Variants in EPHB3 observed in about 807,000 individuals in gnomAD.
The protein encoded by EPHB3 is ephrin type-B receptor 3.
Under a neutral mutation model 100.2 loss-of-function variants are expected in EPHB3, and 33 were observed. That is an observed-to-expected ratio of 0.33 (90% CI 0.25 to 0.44). The LOEUF (loss-of-function observed/expected upper bound fraction) is 0.44, where lower values mean the gene tolerates loss of function less well. Ranked by LOEUF, EPHB3 falls within the 20% of genes least tolerant of loss-of-function variation. The probability of loss-of-function intolerance (pLI) is 1.00; values close to 1 mark genes in which losing one functional copy is unlikely to be tolerated. For synonymous variants in EPHB3, 526 were observed against 554.7 expected, an observed-to-expected ratio of 0.95 and a Z score of 0.73; for missense variants, 1,045 against 1,378.3, an observed-to-expected ratio of 0.76 and a Z score of 3.83.
Position 184,581,288 on chromosome 3 carries a change from A to G in EPHB3, c.2768A>G (p.Asp923Gly). 4 of 1,604,786 alleles carry G rather than the reference A, an allele frequency of 2.5e-6. No homozygotes were observed. Among genetic ancestry groups the G allele is most frequent in the Non-Finnish European group, 3.4e-6 (4 of 1,174,938 alleles). ...CCCCTCCTGGACCGCACGGTCCCAG[A>G]TTACACAACCTTCACGACAGTTGGT... ...SQPLLDRTVP[D>G]YTTFTTVGDW... The change falls in exon 15 of 16, where the codon GAT becomes GGT. Residue 923 changes from aspartate (D) to glycine (G), a missense_variant. This residue lies in a region of EPHB3 where 985 missense variants were observed against 1,331.1 expected (regional missense o/e 0.74). Transcript: ENST00000330394.
rs376039794 is a variant in EPHB3, at chr3:184,575,890, C to A, written c.917C>A (p.Pro306His). Residue 306 changes from proline to histidine, a missense_variant, in exon 4 of 16, where the codon CCC becomes CAC. Coordinates refer to ENST00000330394, the MANE Select transcript of EPHB3 (RefSeq NM_004443.4). ...QGEGPCLPCP[P>H]NSRTTSPAAS... Reference sequence around the variant, plus strand: ...GAGGGGCCCTGCCTCCCATGTCCCCCCAACAGCCGTACCACCTCCCCAGCC... The same window carrying A: ...GAGGGGCCCTGCCTCCCATGTCCCCACAACAGCCGTACCACCTCCCCAGCC... 30 of 1,613,732 alleles carry A rather than the reference C, an allele frequency of 1.9e-5. No homozygotes were observed. The highest frequency in any genetic ancestry group is 1.5e-4 in the African/African-American group (11 of 75,006).
Position 184,562,221 on chromosome 3 carries a change from A to G in EPHB3, c.-15A>G, listed in dbSNP as rs980373424. ...CCCGGCGCGGCCCGGCTCGGCTCCT[A>G]GAGCTGCCACGGCCATGGCCAGAGC... On this transcript the variant is annotated 5_prime_UTR_variant, in exon 1 of 16. Coordinates refer to ENST00000330394, the MANE Select transcript of EPHB3 (RefSeq NM_004443.4). This position sits in a 1 kb window ranked among gnomAD's most constrained non-coding sequence, Gnocchi z 4.8. The G allele has an allele frequency of 3.8e-5, 29 of 766,680 alleles. No individual in the cohort carries two copies. In the Admixed American group the frequency reaches 1.1e-3, roughly 29 times the overall value. The allele number at this position is 766,680 out of a possible 1,614,324, so 47.5% of individuals were successfully genotyped here.
rs866090189 is a variant in EPHB3, at chr3:184,562,189, G to C, written c.-47G>C. Reference sequence around the variant, plus strand: ...CGGGTGCCTGCAGCCCCGCCGGCGCGGCCCGGCCCGGCGCGGCCCGGCTCG... The same window carrying C: ...CGGGTGCCTGCAGCCCCGCCGGCGCCGCCCGGCCCGGCGCGGCCCGGCTCG... On this transcript the variant is annotated 5_prime_UTR_variant, in exon 1 of 16. Coordinates refer to ENST00000330394, the MANE Select transcript of EPHB3 (RefSeq NM_004443.4). The surrounding 1 kb of genome is among the most constrained non-coding windows in gnomAD (Gnocchi z 4.8). 1.2e-4 allele frequency: 49 copies of C among 398,442 alleles called. 3 individuals are homozygous for C. The Middle Eastern group carries it at 0.022, about 178-fold the overall frequency. 24.7% of individuals were successfully genotyped at this position (398,442 alleles called of 1,614,324 possible). A position where few individuals can be genotyped will look rare whatever the true frequency, so the allele number is the denominator to read the frequency against.
rs1714829073 is a variant in EPHB3 at position 184,581,721 on chromosome 3, T to C, written c.*99T>C. 1 of 1,224,188 alleles carries C rather than the reference T, an allele frequency of 8.2e-7. No individual in the cohort carries two copies. Among genetic ancestry groups the C allele is most frequent in the Non-Finnish European group, 1.1e-6 (1 of 896,988 alleles). The allele number at this position is 1,224,188 out of a possible 1,614,324, so 75.8% of individuals were successfully genotyped here. On this transcript the variant is annotated 3_prime_UTR_variant, in exon 16 of 16. Coordinates refer to ENST00000330394, the MANE Select transcript of EPHB3 (RefSeq NM_004443.4). ...CTTTTGGATGCCTGGCCTTAGGCTG[T>C]GGCCCAGAAGCTGGAAGTTTGGGAA...
Position 184,565,884 on chromosome 3 carries a change from G to A in EPHB3, c.118+3531G>A, listed in dbSNP as rs965653002. ...GCGAGCTGAAGCCGAAGCTGCCGAA[G>A]CTGCCGTGGGCAAGGCCTCTGCCGC... On this transcript the variant is annotated intron_variant, in intron 1 of 15. Coordinates refer to ENST00000330394, the MANE Select transcript of EPHB3 (RefSeq NM_004443.4). This position sits in a 1 kb window ranked among gnomAD's most constrained non-coding sequence, Gnocchi z 4.8. Among the ~76,000 whole-genome samples, 1 of 152,262 alleles carries A rather than the reference G, an allele frequency of 6.6e-6. No homozygotes were observed. Among genetic ancestry groups the A allele is most frequent in the East Asian group, 1.9e-4 (1 of 5,202 alleles).
At position 184,580,730 on chromosome 3, in the gene EPHB3, G is replaced by A. The variant is rs1173606859; in HGVS notation, c.2390G>A (p.Gly797Asp). 2.5e-6 allele frequency: 4 copies of A among 1,613,854 alleles called. No homozygotes were observed. The highest frequency in any genetic ancestry group is 3.3e-5 in the Admixed American group (2 of 60,020). Residue 797 changes from glycine to aspartate, a missense_variant and splice_region_variant, in exon 13 of 16, where the codon GGC becomes GAC. Coordinates refer to ENST00000330394, the MANE Select transcript of EPHB3 (RefSeq NM_004443.4). ...AAGGGCCTGTGCCCCCCTCACCAGG[G>A]CGGGAAGATCCCCATCCGCTGGACT... ...PSDPTYTSSL[G>D]GKIPIRWTAP... is the part of the protein sequence containing the mutation.
In EPHB3 at chr3:184,578,774, C is replaced by T. The variant is rs1714747757; in HGVS notation, c.1801+308C>T. On this transcript the variant is annotated intron_variant, in intron 9 of 15. Transcript: ENST00000330394. The surrounding 1 kb of genome is among the most constrained non-coding windows in gnomAD (Gnocchi z 4.7). ...ACAATTAAGGGTTGAGCTGGGTGCT[C>T]CTGTTGTAAAGGGCACTAAGAGTTT... is the stretch of plus-strand genomic sequence containing the variant. 6.6e-6 allele frequency among the ~76,000 whole-genome samples: 1 copy of T among 152,140 alleles called. No homozygotes were observed. Among genetic ancestry groups the T allele is most frequent in the Non-Finnish European group, 1.5e-5 (1 of 68,032 alleles).
In EPHB3 at chr3:184,581,766, TC is replaced by T; in HGVS notation, c.*146del. ...TGGGAAAGGCCCAAGCTGGGACTTCTCCAGGCCTGTGTTCCCTCCCCAGGAA... is the reference window on the plus strand; with the variant it reads ...TGGGAAAGGCCCAAGCTGGGACTTCTCAGGCCTGTGTTCCCTCCCCAGGAA... On this transcript the variant is annotated 3_prime_UTR_variant, in exon 16 of 16. Coordinates refer to ENST00000330394, the MANE Select transcript of EPHB3 (RefSeq NM_004443.4). 1 of 772,888 alleles carries T rather than the reference TC, an allele frequency of 1.3e-6. No individual in the cohort carries two copies. Among genetic ancestry groups the T allele is most frequent in the Non-Finnish European group, 2.0e-6 (1 of 494,536 alleles). 47.9% of individuals were successfully genotyped at this position (772,888 alleles called of 1,614,324 possible). A position where few individuals can be genotyped will look rare whatever the true frequency, so the allele number is the denominator to read the frequency against.
chr3:184,577,443 C>CTACG lies in EPHB3; in HGVS notation c.1456_1459dup (p.Glu487ValfsTer7). On this transcript the variant is annotated frameshift_variant, in exon 6 of 16. Coordinates refer to ENST00000330394, the MANE Select transcript of EPHB3 (RefSeq NM_004443.4). LOFTEE classifies it high-confidence loss of function. This position sits in a 1 kb window ranked among gnomAD's most constrained non-coding sequence, Gnocchi z 4.9. Reference sequence around the variant, plus strand: ...AGCGGCCCAACGGAGTCATCCTGGACTACGAGATGAAGTACTTTGAGAAGG... The same window carrying CTACG: ...AGCGGCCCAACGGAGTCATCCTGGACTACGTACGAGATGAAGTACTTTGAGAAGG... 1.2e-6 allele frequency: 2 copies of CTACG among 1,614,004 alleles called. No homozygotes were observed. Among genetic ancestry groups the CTACG allele is most frequent in the Non-Finnish European group, 1.7e-6 (2 of 1,179,976 alleles).
At position 184,572,436 on chromosome 3, in the gene EPHB3, C is replaced by G; in HGVS notation, c.184-68C>G. The G allele has an allele frequency of 6.7e-7, 1 of 1,495,178 alleles. No individual in the cohort carries two copies. Among genetic ancestry groups the G allele is most frequent in the Non-Finnish European group, 8.9e-7 (1 of 1,124,406 alleles). 92.6% of individuals were successfully genotyped at this position (1,495,178 alleles called of 1,614,324 possible). On this transcript the variant is annotated intron_variant, in intron 2 of 15. Coordinates refer to ENST00000330394, the MANE Select transcript of EPHB3 (RefSeq NM_004443.4). This position sits in a 1 kb window ranked among gnomAD's most constrained non-coding sequence, Gnocchi z 6.6. ...TCCCTGTGAAGTAAATAGAGCAGAT[C>G]TGGGCACGAGGGAAGCACTTGGCAA... is the stretch of plus-strand genomic sequence containing the variant.
intron 3 of EPHB3, chr3:184,575,276 T>C (rs1714643443): frequency 1.0e-6 from 1 of 972,226 alleles, no homozygotes; most frequent in African/African-American, 1.8e-5. Context: ...CTTTCTCTCC[T>C]CCTCTCACCC....
rs922953657 is a variant in EPHB3 at position 184,562,439 on chromosome 3, G to A, written c.118+86G>A. The A allele has an allele frequency of 4.4e-6, 5 of 1,131,118 alleles. No individual in the cohort carries two copies. In the African/African-American group the frequency reaches 5.0e-5, roughly 11 times the overall value. 70.1% of individuals were successfully genotyped at this position (1,131,118 alleles called of 1,614,324 possible). On this transcript the variant is annotated intron_variant, in intron 1 of 15. Transcript: ENST00000330394. This position sits in a 1 kb window ranked among gnomAD's most constrained non-coding sequence, Gnocchi z 4.8. ...TAGCAGCGTGGGTCCGACCCGGATT[G>A]AGCGCACGTCGGAGGAGGCCCCGCC...
rs989516766 is a variant in EPHB3 at position 184,569,532 on chromosome 3, C to T, written c.119-1786C>T. On this transcript the variant is annotated intron_variant, in intron 1 of 15. Transcript: ENST00000330394. The surrounding 1 kb of genome is among the most constrained non-coding windows in gnomAD (Gnocchi z 5.4). ...AGCATCTCGGCTTCCCTCGAGTACC[C>T]CCCAGGCCGAATGTCTGTGTCTGTC... Among the ~76,000 whole-genome samples the T allele has an allele frequency of 2.6e-5, 4 of 152,176 alleles. No individual in the cohort carries two copies. Among genetic ancestry groups the T allele is most frequent in the Non-Finnish European group, 4.4e-5 (3 of 68,040 alleles).
chr3:184,579,934 G>C lies in EPHB3; in HGVS notation c.2172G>C (p.Arg724=). Reference sequence around the variant, plus strand: ...ACTGCGCCCTGGACTCCTTCCTCCGGGTAAGAGCCAGCCCCCAGGCCCTCT... The same window carrying C: ...ACTGCGCCCTGGACTCCTTCCTCCGCGTAAGAGCCAGCCCCCAGGCCCTCT... ...MENCALDSFL[R]LNDGQFTVIQ... Residue 724 remains arginine, a splice_region_variant and synonymous_variant, in exon 11 of 16, where the codon CGG becomes CGC. Coordinates refer to ENST00000330394, the MANE Select transcript of EPHB3 (RefSeq NM_004443.4). The surrounding 1 kb of genome is among the most constrained non-coding windows in gnomAD (Gnocchi z 5.2). The C allele has an allele frequency of 1.2e-6, 2 of 1,612,462 alleles. No individual in the cohort carries two copies. The highest frequency in any genetic ancestry group is 2.7e-5 in the African/African-American group (2 of 74,992).
rs774061176 is a variant in EPHB3, at chr3:184,573,169, G to A, written c.849G>A (p.Gln283=). The change falls in exon 3 of 16, where the codon CAG becomes CAA. Residue 283 remains glutamine, a synonymous_variant. Coordinates refer to ENST00000330394, the MANE Select transcript of EPHB3 (RefSeq NM_004443.4). The surrounding 1 kb of genome is among the most constrained non-coding windows in gnomAD (Gnocchi z 4.5). The stretch of plus-strand genomic sequence containing the variant: ...ATGAGCCAGCTGCCAAGGAGTCCCA[G>A]TGCCGCCGTGAGTGGGGACTGTCCT... ...TGHEPAAKES[Q]CRPCPPGSYK... 3.7e-6 allele frequency: 6 copies of A among 1,611,804 alleles called. No homozygotes were observed. The Admixed American group carries it at 5.0e-5, about 13-fold the overall frequency.
chr3:184,567,141 A>T (rs1714403819), intron 1 of EPHB3, among the ~76,000 whole-genome samples: 1 of 152,168 alleles, frequency 6.6e-6, no homozygotes, highest in Admixed American at 6.5e-5. Flanking sequence ...CTGGCAGGGA[A>T]GTGGCTTGTT....
intron 1 of EPHB3, among the ~76,000 whole-genome samples, chr3:184,570,185 C>A (rs2108435879): frequency 6.6e-6 from 1 of 152,312 alleles, no homozygotes; most frequent in Admixed American, 6.5e-5. Flanking sequence ...CTTACCCTGA[C>A]TTGGAGGTTC....
chr3:184,565,767 G>C lies in EPHB3; in HGVS notation c.118+3414G>C, dbSNP rs1002866302. On this transcript the variant is annotated intron_variant, in intron 1 of 15. Coordinates refer to ENST00000330394, the MANE Select transcript of EPHB3 (RefSeq NM_004443.4). The surrounding 1 kb of genome is among the most constrained non-coding windows in gnomAD (Gnocchi z 4.8). Reference sequence around the variant, plus strand: ...CTGGCCTTCTGAGCAGCTGCTGGGGGCCGGCAGGTATTTGGAAGAACCAGT... The same window carrying C: ...CTGGCCTTCTGAGCAGCTGCTGGGGCCCGGCAGGTATTTGGAAGAACCAGT... 8.5e-5 allele frequency among the ~76,000 whole-genome samples: 13 copies of C among 152,332 alleles called. No homozygotes were observed. The highest frequency in any genetic ancestry group is 5.9e-4 in the Admixed American group (9 of 15,306).
At position 184,580,506 on chromosome 3, in the gene EPHB3, G is replaced by A. The variant is rs1272816195; in HGVS notation, c.2277G>A (p.Leu759=). The change falls in exon 12 of 16, where the codon CTG becomes CTA. Residue 759 remains leucine, a synonymous_variant. Transcript: ENST00000330394. ...LSEMNYVHRD[L]AARNILVNSN... ...AGATGAACTATGTGCACCGCGACCT[G>A]GCTGCTCGCAACATCCTTGTCAACA... 1.9e-6 allele frequency: 3 copies of A among 1,614,080 alleles called. No homozygotes were observed. Among genetic ancestry groups the A allele is most frequent in the African/African-American group, 2.7e-5 (2 of 74,932 alleles).
Sources: gnomAD v4.1 joint callset for allele counts (sites outside exome capture counted in the v4.1 genomes callset) on GRCh38, gnomAD v4.1.1 for gene constraint, gnomAD v4.1.1 regional missense constraint, Gnocchi (gnomAD v3.1) non-coding constraint, MANE v1.5 for transcripts, NCBI Gene and HGNC (gene_info 2026-07-23, HGNC 2026-07-21) for gene names.